The following LRRN1 variants were observed in gnomAD, a reference collection of about 807,000 sequenced individuals.
LRRN1 encodes the protein leucine-rich repeat neuronal protein 1.
Under a neutral mutation model 45.8 loss-of-function variants are expected in LRRN1, and 14 were observed. That is an observed-to-expected ratio of 0.31 (90% CI 0.20 to 0.48). The LOEUF is 0.48. LRRN1 is among the 20% of genes least tolerant of loss of function. The pLI is 0.99. For missense variants in LRRN1, 789 were observed against 874.2 expected, an observed-to-expected ratio of 0.90 and a Z score of 1.23; for synonymous variants, 359 against 330.1, an observed-to-expected ratio of 1.09 and a Z score of -0.95.
chr3:3,831,463 A>G (rs1457223846), intron 1 of LRRN1, among the ~76,000 whole-genome samples: 1 of 152,242 alleles, frequency 6.6e-6, no homozygotes, highest in East Asian at 1.9e-4. Flanking sequence ...ACTGTCATCA[A>G]CGTAATGGAC....
At chr3:3,830,193 G>A (rs1044160414) in intron 1 of LRRN1, among the ~76,000 whole-genome samples, 1 of 152,186 alleles carries the variant, frequency 6.6e-6, no homozygotes, top group African/African-American at 2.4e-5. Flanking sequence ...CTCTGCTGAG[G>A]TCACCCATTG....
chr3:3,809,163 G>C (rs1692825528), intron 1 of LRRN1, among the ~76,000 whole-genome samples: 1 of 151,714 alleles, frequency 6.6e-6, no homozygotes, highest in Non-Finnish European at 1.5e-5. Context: ...TTTTCTTTAA[G>C]ATGGAGCCTT....
At chr3:3,808,790 CT>C (rs111432146) in intron 1 of LRRN1, among the ~76,000 whole-genome samples, 7 of 151,300 alleles carry the variant, frequency 4.6e-5, no homozygotes, top group Middle Eastern at 3.4e-3. Context: ...AAATAAATCA[CT>C]TTTTTTTTAT....
intron 1 of LRRN1, among the ~76,000 whole-genome samples, chr3:3,829,904 T>C (rs777292120): frequency 1.8e-4 from 28 of 152,150 alleles, no homozygotes; most frequent in Non-Finnish European, 3.5e-4. Flanking sequence ...AGGTCCAATA[T>C]AATCAGGTAG....
chr3:3,802,855 G>T (rs974078089), intron 1 of LRRN1, among the ~76,000 whole-genome samples: 1 of 152,120 alleles, frequency 6.6e-6, no homozygotes, highest in African/African-American at 2.4e-5. Context: ...TTGAAACCTG[G>T]TAAGTTAAAA....
intron 1 of LRRN1, among the ~76,000 whole-genome samples, chr3:3,833,997 T>TG (rs1171822747): frequency 6.6e-6 from 1 of 152,142 alleles, no homozygotes; most frequent in Non-Finnish European, 1.5e-5. Context: ...GGTCACCCAC[T>TG]CGCATGATAA....
intron 1 of LRRN1, among the ~76,000 whole-genome samples, chr3:3,819,349 C>A (rs1693054681): frequency 6.6e-6 from 1 of 152,142 alleles, no homozygotes. Flanking sequence ...TGGCAATGTA[C>A]CACAAACTAG....
At chr3:3,843,807 T>C (rs552321440) in intron 1 of LRRN1, among the ~76,000 whole-genome samples, 17 of 152,322 alleles carry the variant, frequency 1.1e-4, no homozygotes, top group African/African-American at 3.6e-4. Flanking sequence ...GAATGTAGCA[T>C]TTAGAAAAGA....
chr3:3,806,905 A>C (rs997355946), intron 1 of LRRN1, among the ~76,000 whole-genome samples: 1 of 152,104 alleles, frequency 6.6e-6, no homozygotes, highest in African/African-American at 2.4e-5. Flanking sequence ...GCACAAGTTG[A>C]ATTTGTCTAG....
intron 1 of LRRN1, among the ~76,000 whole-genome samples, chr3:3,825,576 C>T (rs1275591514): frequency 5.9e-5 from 9 of 152,002 alleles, no homozygotes. Flanking sequence ...CCAGTAAAAC[C>T]ACCCCAGAAA....
At chr3:3,824,044 A>G (rs1693165223) in intron 1 of LRRN1, among the ~76,000 whole-genome samples, 1 of 152,262 alleles carries the variant, frequency 6.6e-6, no homozygotes, top group East Asian at 1.9e-4. Flanking sequence ...CAGCCCCTGT[A>G]CCGTGCTGCT....
rs1039630019 is a variant in LRRN1 at position 3,848,026 on chromosome 3, A to G, written c.*1234A>G. ...ATATTGGATATGTCATTTCTGTAAG[A>G]GTTTTGTTAAAACCTGATTTTCTTT... is the stretch of plus-strand genomic sequence containing the variant. On this transcript the variant is annotated 3_prime_UTR_variant, in exon 2 of 2. Transcript: ENST00000319331. Among the ~76,000 whole-genome samples, 2 of 152,132 alleles carry G rather than the reference A, an allele frequency of 1.3e-5. No homozygotes were observed. The highest frequency in any genetic ancestry group is 4.8e-5 in the African/African-American group (2 of 41,424).
rs541949267 is a variant in LRRN1, at chr3:3,833,050, G to A, written c.-278-11314G>A. On this transcript the variant is annotated intron_variant, in intron 1 of 1. Transcript: ENST00000319331. Reference sequence around the variant, plus strand: ...CTTCCCACTGTATTTAAATTTTGTAGTTGAGTGACTGCTGTTCCCACCGTT... The same window carrying A: ...CTTCCCACTGTATTTAAATTTTGTAATTGAGTGACTGCTGTTCCCACCGTT... Among the ~76,000 whole-genome samples, 5 of 152,300 alleles carry A rather than the reference G, an allele frequency of 3.3e-5. No homozygotes were observed. The South Asian group carries it at 6.2e-4, about 19-fold the overall frequency.
intron 1 of LRRN1, among the ~76,000 whole-genome samples, chr3:3,812,827 A>AG (rs1036280716): frequency 2.0e-5 from 3 of 151,096 alleles, no homozygotes; most frequent in Non-Finnish European, 4.4e-5. Flanking sequence ...AAAAAAAAAA[A>AG]AAAAAAGATG....
chr3:3,817,687 T>G (rs1375199084), intron 1 of LRRN1, among the ~76,000 whole-genome samples: 1 of 149,732 alleles, frequency 6.7e-6, no homozygotes, highest in East Asian at 2.0e-4. Context: ...GGACATTGGA[T>G]GTTAGTTTTT....
intron 1 of LRRN1, among the ~76,000 whole-genome samples, chr3:3,834,409 C>T (rs1319269450): frequency 6.7e-6 from 1 of 149,642 alleles, no homozygotes; most frequent in East Asian, 2.0e-4. Context: ...TATTAAGCAG[C>T]CAACTCCAGA....
intron 1 of LRRN1, chr3:3,822,700 C>G (rs924572697): frequency 8.5e-5 from 13 of 152,166 alleles, no homozygotes; most frequent in African/African-American, 3.1e-4. Context: ...ATTAGCATTT[C>G]TCATTAAAAT....
intron 1 of LRRN1, among the ~76,000 whole-genome samples, chr3:3,806,338 C>G (rs569359763): frequency 1.2e-4 from 19 of 152,328 alleles, no homozygotes; most frequent in Admixed American, 1.2e-3. Context: ...GCAGCCTTAA[C>G]TCAGATGTCA....
intron 1 of LRRN1, among the ~76,000 whole-genome samples, chr3:3,807,959 G>C (rs1205116179): frequency 1.3e-5 from 2 of 152,144 alleles, no homozygotes; most frequent in Non-Finnish European, 2.9e-5. Flanking sequence ...TCATGGGGAG[G>C]CCATGTGAAA....
Sources: allele counts gnomAD v4.1 joint callset (sites outside exome capture counted in the v4.1 genomes callset), GRCh38; gene constraint gnomAD v4.1.1; transcripts MANE v1.5; gene names NCBI Gene and HGNC (gene_info 2026-07-23, HGNC 2026-07-21).